STK11: variants seen among roughly 807,000 people sequenced by gnomAD.
STK11 encodes serine/threonine kinase 11.
Under a neutral mutation model 47.3 loss-of-function variants are expected in STK11, and 8 were observed. That is an observed-to-expected ratio of 0.17 (90% CI 0.10 to 0.31). The LOEUF is 0.31. STK11 is among the 10% of genes least tolerant of loss of function. The pLI is 1.00. For missense variants in STK11, 475 were observed against 605.0 expected (o/e 0.79, Z 2.25); for synonymous variants, 330 against 255.8 (o/e 1.29, Z -2.77).
At chr19:1,208,509 C>G (rs1268870243) in intron 1 of STK11, among the ~76,000 whole-genome samples, 2 of 150,446 alleles carry the variant, frequency 1.3e-5, no homozygotes, top group Admixed American at 1.3e-4. Context: ...GGGGTTTCAC[C>G]GTGTTAGCCA....
intron 8 of STK11, chr19:1,224,194 G>C: frequency 1.0e-6 from 1 of 985,188 alleles, no homozygotes. Context: ...GGGGTCCCCG[G>C]GGGGTACAGT....
intron 8 of STK11, chr19:1,225,572 G>C (rs1664219617): frequency 5.1e-6 from 5 of 985,544 alleles, no homozygotes; most frequent in Non-Finnish European, 6.0e-6. Flanking sequence ...ACCGGCCCAA[G>C]GTGCTTTTTT....
At chr19:1,227,525 C>T in intron 9 of STK11, 68 bp from the exon 10 acceptor site, 1 of 1,061,240 alleles carries the variant, frequency 9.4e-7, no homozygotes, top group Non-Finnish European at 1.1e-6. Flanking sequence ...TCCATCCTCC[C>T]AGGGGCCCGC....
chr19:1,208,211 G>A (rs925434505), intron 1 of STK11, among the ~76,000 whole-genome samples: 1 of 151,938 alleles, frequency 6.6e-6, no homozygotes. Context: ...CTGCTGCGGT[G>A]TCTGCTCTCA....
rs923434057 is a variant in STK11, at chr19:1,222,941, C to T, written c.921-44C>T. 2.7e-6 allele frequency: 4 copies of T among 1,507,214 alleles called. No individual in the cohort carries two copies. The African/African-American group carries it at 4.1e-5, about 16-fold the overall frequency. The allele number at this position is 1,507,214 out of a possible 1,614,324, so 93.4% of individuals were successfully genotyped here. On this transcript the variant is annotated intron_variant, in intron 7 of 9. Transcript: ENST00000326873. ...AGCTGGGTCGGAAAACTGGACCGCC[C>T]TGGTGCCAGCCTGACAGGCGCCACT...
intron 8 of STK11, chr19:1,223,868 G>A: frequency 9.8e-7 from 1 of 1,020,490 alleles, no homozygotes; most frequent in South Asian, 4.6e-5. Flanking sequence ...AAAGAGTTTT[G>A]CAGTGTATCT....
At chr19:1,207,391 C>G (rs994827573) in intron 1 of STK11, among the ~76,000 whole-genome samples, 188 bp downstream of exon 1, 1 of 152,222 alleles carries the variant, frequency 6.6e-6, no homozygotes, top group Non-Finnish European at 1.5e-5. Flanking sequence ...GACTTTCACT[C>G]AGGCAAGGCC....
chr19:1,219,226 G>C (rs2080764427), intron 2 of STK11, 98 bp from the exon 3 acceptor site: 2 of 1,394,036 alleles, frequency 1.4e-6, no homozygotes, highest in Non-Finnish European at 2.0e-6. Context: ...GGGCAAGGTG[G>C]GTGCAGAGGG....
rs768870802 is a variant in STK11 at position 1,226,474 on chromosome 19, G to A, written c.1129G>A (p.Ala377Thr). The change falls in exon 9 of 10, where the codon GCC (alanine) becomes ACC (threonine). Residue 377 changes from alanine to threonine, a missense_variant. Physicochemically the swap from Ala to Thr is moderately conservative, Grantham distance 58. Coordinates refer to ENST00000326873, the MANE Select transcript of STK11 (RefSeq NM_000455.5). ...CCCAGGACAGGTCCCAGAAGAGGAG[G>A]CCAGTCACAATGGACAGCGCCGGGG... is the stretch of plus-strand genomic sequence containing the variant. ...TVPGQVPEEEASHNGQRRGLP... is the reference protein window; with the variant it reads ...TVPGQVPEEETSHNGQRRGLP... The A allele has an allele frequency of 5.0e-6, 8 of 1,611,186 alleles. No homozygotes were observed. Among genetic ancestry groups the A allele is most frequent in the South Asian group, 4.4e-5 (4 of 90,862 alleles).
At chr19:1,207,291 C>A (rs960667218) in intron 1 of STK11, 88 bp downstream of exon 1, 15 of 1,470,636 alleles carry the variant, frequency 1.0e-5, no homozygotes, top group Non-Finnish European at 1.4e-5. Flanking sequence ...CTCCCTCCCT[C>A]CCTTACTTCC....
At chr19:1,219,604 GGT>G (rs1228355202) in intron 3 of STK11, among the ~76,000 whole-genome samples, 191 bp downstream of exon 3, 5 of 151,972 alleles carry the variant, frequency 3.3e-5, no homozygotes, top group African/African-American at 1.2e-4. Context: ...GGAGTGCAAT[GGT>G]GCGATCTCGG....
rs2080841428 is a variant in STK11, at chr19:1,228,135, AG to A, written c.*565del. 5 of 1,064,074 alleles carry A rather than the reference AG, an allele frequency of 4.7e-6. No individual in the cohort carries two copies. In the African/African-American group the frequency reaches 4.9e-5, roughly 11 times the overall value. The allele number at this position is 1,064,074 out of a possible 1,614,324, so 65.9% of individuals were successfully genotyped here. ...GGGTGTTTGGGAGCTGCTGGGTGGC[AG>A]GGGGGCTGTGGGGTCGGGCTCACGT... On this transcript the variant is annotated 3_prime_UTR_variant, in exon 10 of 10. Transcript: ENST00000326873.
rs1056607232 is a variant in STK11 at position 1,222,924 on chromosome 19, C to T, written c.921-61C>T. 2.0e-5 allele frequency: 29 copies of T among 1,481,828 alleles called. No individual in the cohort carries two copies. In the African/African-American group the frequency reaches 2.9e-4, roughly 15 times the overall value. The allele number at this position is 1,481,828 out of a possible 1,614,324, so 91.8% of individuals were successfully genotyped here. On this transcript the variant is annotated intron_variant, in intron 7 of 9. Transcript: ENST00000326873. The stretch of plus-strand genomic sequence containing the variant: ...TACCCTGGGCCCAGAGGAGCTGGGT[C>T]GGAAAACTGGACCGCCCTGGTGCCA...
chr19:1,221,610 C>T, intron 6 of STK11: 1 of 595,364 alleles, frequency 1.7e-6, no homozygotes, highest in Non-Finnish European at 2.9e-6. Context: ...CGGGGGCTCC[C>T]TGGCTTGCAG....
chr19:1,221,853 C>A, intron 6 of STK11, 96 bp from the exon 7 acceptor site: 1 of 1,446,180 alleles, frequency 6.9e-7, no homozygotes, highest in Non-Finnish European at 9.5e-7. Flanking sequence ...CCAGGTATCA[C>A]CCAGGGCCTG....
At chr19:1,220,555 C>T (rs2080775567) in intron 4 of STK11, 26 bp from the exon 5 acceptor site, 4 of 1,576,650 alleles carry the variant, frequency 2.5e-6, no homozygotes, top group African/African-American at 2.7e-5. Context: ...CGGGCACTCC[C>T]TGAGGGCTGC....
In STK11 at chr19:1,206,974, G is replaced by A. The variant is rs1064793751; in HGVS notation, c.61G>A (p.Gly21Ser). Reference protein sequence around the residue: ...MFTEGELMSVGMDTFIHRIDS... With the variant: ...MFTEGELMSVSMDTFIHRIDS... ...CACGGAGGGCGAGCTGATGTCGGTG[G>A]GTATGGACACGTTCATCCACCGCAT... Residue 21 changes from glycine to serine, a missense_variant, in exon 1 of 10, where the codon GGT becomes AGT. Gly to Ser is a moderately conservative substitution (Grantham distance 56). Coordinates refer to ENST00000326873, the MANE Select transcript of STK11 (RefSeq NM_000455.5). 6.2e-6 allele frequency: 10 copies of A among 1,611,794 alleles called. No homozygotes were observed. Among genetic ancestry groups the A allele is most frequent in the South Asian group, 1.1e-5 (1 of 90,726 alleles).
Position 1,228,144 on chromosome 19 carries a change from G to A in STK11, c.*568G>A. 1.9e-6 allele frequency: 2 copies of A among 1,064,796 alleles called. No individual in the cohort carries two copies. Among genetic ancestry groups the A allele is most frequent in the Non-Finnish European group, 2.3e-6 (2 of 878,684 alleles). 66.0% of individuals were successfully genotyped at this position (1,064,796 alleles called of 1,614,324 possible). Reference sequence around the variant, plus strand: ...GGAGCTGCTGGGTGGCAGGGGGGCTGTGGGGTCGGGCTCACGTCGCGGCCG... The same window carrying A: ...GGAGCTGCTGGGTGGCAGGGGGGCTATGGGGTCGGGCTCACGTCGCGGCCG... On this transcript the variant is annotated 3_prime_UTR_variant, in exon 10 of 10. Coordinates refer to ENST00000326873, the MANE Select transcript of STK11 (RefSeq NM_000455.5).
At chr19:1,220,798 G>A in intron 5 of STK11, 81 bp downstream of exon 5, 1 of 1,526,608 alleles carries the variant, frequency 6.6e-7, no homozygotes. Flanking sequence ...CCGGCCTGTG[G>A]GCGCAGGGCG....
Sources: gnomAD v4.1 joint callset for allele counts (sites outside exome capture counted in the v4.1 genomes callset) on GRCh38, gnomAD v4.1.1 for gene constraint, MANE v1.5 for transcripts, NCBI Gene and HGNC (gene_info 2026-07-23, HGNC 2026-07-21) for gene names.